CRMP1: variants seen among roughly 807,000 people sequenced by gnomAD.
The protein encoded by CRMP1 is collapsin response mediator protein 1, also known as dihydropyrimidinase-related protein 1.
In CRMP1, 19 loss-of-function variants were observed where a neutral mutation model predicts 68.3. The ratio of observed to expected loss-of-function variants is 0.28; its 90% CI spans 0.19 to 0.41. The LOEUF is 0.41. Among genes scored for constraint, CRMP1 ranks in the 10% least tolerant of loss-of-function variants. The pLI is 1.00. For missense variants in CRMP1, 791 were observed against 967.4 expected, an observed-to-expected ratio of 0.82 and a Z score of 2.42; for synonymous variants, 439 against 399.6, an observed-to-expected ratio of 1.10 and a Z score of -1.18.
chr4:5,861,097 T>A lies in CRMP1; in HGVS notation c.584A>T (p.Gln195Leu), dbSNP rs761326053. The change falls in exon 3 of 14, where the codon CAG becomes CTG. Residue 195 changes from glutamine (Q) to leucine (L), a missense_variant. Coordinates refer to ENST00000324989, the MANE Select transcript of CRMP1 (RefSeq NM_001014809.3). The surrounding 1 kb of genome is among the most constrained non-coding windows in gnomAD (Gnocchi z 6.0). ...GAAGTCATCAGCCGCAGTCATCCCCTGGGAGGGCTTCTGCAGGTACGTGTT... is the reference window on the plus strand; with the variant it reads ...GAAGTCATCAGCCGCAGTCATCCCCAGGGAGGGCTTCTGCAGGTACGTGTT... ...DVNTYLQKPS[Q>L]GMTAADDFFQ... 6.2e-7 allele frequency: 1 copy of A among 1,614,196 alleles called. No individual in the cohort carries two copies. The highest frequency in any genetic ancestry group is 2.2e-5 in the East Asian group (1 of 44,872).
At chr4:5,862,202 G>A (rs1298255466) in intron 2 of CRMP1, among the ~76,000 whole-genome samples, 7 of 152,124 alleles carry the variant, frequency 4.6e-5, no homozygotes, top group Non-Finnish European at 1.0e-4. Context: ...CACCACCACC[G>A]CTGCTTTTAA....
rs751468848 is a variant in CRMP1, at chr4:5,821,873, T to C, written c.1970-22A>G. On this transcript the variant is annotated intron_variant, in intron 13 of 13. Coordinates refer to ENST00000324989, the MANE Select transcript of CRMP1 (RefSeq NM_001014809.3). This position sits in a 1 kb window ranked among gnomAD's most constrained non-coding sequence, Gnocchi z 4.4. The stretch of plus-strand genomic sequence containing the variant: ...GCACCTGAAAGAGAGCGCCAATCGC[T>C]GCTGGATGGGATCTGTTAGCATCAG... 1.9e-6 allele frequency: 3 copies of C among 1,541,372 alleles called. No individual in the cohort carries two copies. The highest frequency in any genetic ancestry group is 3.6e-5 in the Admixed American group (2 of 55,374).
chr4:5,831,398 T>C (rs1176308281), intron 11 of CRMP1, among the ~76,000 whole-genome samples: 1 of 152,204 alleles, frequency 6.6e-6, no homozygotes, highest in African/African-American at 2.4e-5. Context: ...TCTTGGGGGT[T>C]CCAGGCAATC....
At position 5,866,861 on chromosome 4, in the gene CRMP1, A is replaced by T; in HGVS notation, c.382-105T>A. On this transcript the variant is annotated intron_variant, in intron 1 of 13. Coordinates refer to ENST00000324989, the MANE Select transcript of CRMP1 (RefSeq NM_001014809.3). The surrounding 1 kb of genome is among the most constrained non-coding windows in gnomAD (Gnocchi z 5.9). ...AATTATCAAATATTTTCAAAAGTAA[A>T]GGCATTTAACTTCCCCCGCCCCAGA... 1 of 799,762 alleles carries T rather than the reference A, an allele frequency of 1.3e-6. No individual in the cohort carries two copies. The highest frequency in any genetic ancestry group is 2.2e-5 in the South Asian group (1 of 46,074). The allele number at this position is 799,762 out of a possible 1,614,324, so 49.5% of individuals were successfully genotyped here. A position where few individuals can be genotyped will look rare whatever the true frequency, so the allele number is the denominator to read the frequency against.
rs140821865 is a variant in CRMP1, at chr4:5,889,389, G to T, written c.381+3200C>A. Among the ~76,000 whole-genome samples, 6 of 152,176 alleles carry T rather than the reference G, an allele frequency of 3.9e-5. No individual in the cohort carries two copies. The highest frequency in any genetic ancestry group is 1.2e-4 in the African/African-American group (5 of 41,450). On this transcript the variant is annotated intron_variant, in intron 1 of 13. Transcript: ENST00000324989. This position sits in a 1 kb window ranked among gnomAD's most constrained non-coding sequence, Gnocchi z 4.5. ...CCACAGCCCTGGGGACAAGCTGGGG[G>T]TCAGGAGGAGGACTAGGGTGCTCCT...
chr4:5,837,743 G>A (rs1007715678), intron 9 of CRMP1, among the ~76,000 whole-genome samples: 3 of 150,736 alleles, frequency 2.0e-5, no homozygotes, highest in African/African-American at 7.4e-5. Context: ...GCAAGGTGAG[G>A]AAGGTGAGGC....
At chr4:5,867,669 G>A (rs935426202) in intron 1 of CRMP1, among the ~76,000 whole-genome samples, 10 of 152,152 alleles carry the variant, frequency 6.6e-5, no homozygotes, top group African/African-American at 2.2e-4. Flanking sequence ...GTTGACAGAT[G>A]GAGAGACAGA....
intron 2 of CRMP1, among the ~76,000 whole-genome samples, chr4:5,863,991 C>T (rs934545343): frequency 6.6e-6 from 1 of 152,100 alleles, no homozygotes; most frequent in South Asian, 2.1e-4. Context: ...TTCTCAGCAA[C>T]GGGTTCAAGT....
intron 11 of CRMP1, among the ~76,000 whole-genome samples, chr4:5,831,322 T>C (rs766449482): frequency 1.2e-4 from 18 of 152,302 alleles, no homozygotes; most frequent in Non-Finnish European, 2.4e-4. Flanking sequence ...GATTCTTCCA[T>C]AGAAAAACTA....
intron 6 of CRMP1, among the ~76,000 whole-genome samples, chr4:5,844,658 C>T (rs1712047021): frequency 6.6e-6 from 1 of 152,240 alleles, no homozygotes; most frequent in African/African-American, 2.4e-5. Context: ...TGTGCTGGAG[C>T]TGGAACAGCT....
intron 11 of CRMP1, among the ~76,000 whole-genome samples, chr4:5,831,389 C>CTT (rs1390420495): frequency 1.3e-5 from 2 of 152,108 alleles, no homozygotes; most frequent in Non-Finnish European, 2.9e-5. Flanking sequence ...TAGGTGCATT[C>CTT]TTGGGGGTTC....
Position 5,842,804 on chromosome 4 carries a change from T to G in CRMP1, c.1032+289A>C, listed in dbSNP as rs747449974. Among the ~76,000 whole-genome samples the G allele has an allele frequency of 6.6e-6, 1 of 152,140 alleles. No individual in the cohort carries two copies. The highest frequency in any genetic ancestry group is 2.4e-5 in the African/African-American group (1 of 41,438). On this transcript the variant is annotated intron_variant, in intron 7 of 13. Transcript: ENST00000324989. This position sits in a 1 kb window ranked among gnomAD's most constrained non-coding sequence, Gnocchi z 4.5. ...TTGGGCATGCGGCTCCACTTTCCTA[T>G]TATCCACTATGCCATGTCCTCCATG... is the stretch of plus-strand genomic sequence containing the variant.
Position 5,836,003 on chromosome 4 carries a change from T to G in CRMP1, c.1535A>C (p.Lys512Thr). The change falls in exon 11 of 14, where the codon AAA (lysine) becomes ACA (threonine). Residue 512 changes from lysine (K) to threonine (T), a missense_variant. Lys to Thr is a moderately conservative substitution (Grantham distance 78). Around this residue, in one of 3 missense-constraint regions of CRMP1, gnomAD observed 594 missense variants for 763.6 expected, o/e 0.78. Coordinates refer to ENST00000324989, the MANE Select transcript of CRMP1 (RefSeq NM_001014809.3). ...AAKIFNLYPRKGRIAVGSDAD... is the reference protein window; with the variant it reads ...AAKIFNLYPRTGRIAVGSDAD... The stretch of plus-strand genomic sequence containing the variant: ...ATCCGAGCCCACGGCAATCCGCCCT[T>G]TCCTTGGGTACAGGTTAAAGATCTT... 1 of 1,607,528 alleles carries G rather than the reference T, an allele frequency of 6.2e-7. No individual in the cohort carries two copies. Among genetic ancestry groups the G allele is most frequent in the Non-Finnish European group, 8.5e-7 (1 of 1,176,898 alleles).
At chr4:5,827,563 C>T (rs1719831291) in intron 12 of CRMP1, among the ~76,000 whole-genome samples, 2 of 152,166 alleles carry the variant, frequency 1.3e-5, no homozygotes, top group Admixed American at 1.3e-4. Flanking sequence ...CAGGACCACA[C>T]AGGTACACAC....
At chr4:5,875,618 G>A (rs1291161283) in intron 1 of CRMP1, among the ~76,000 whole-genome samples, 1 of 152,134 alleles carries the variant, frequency 6.6e-6, no homozygotes, top group Non-Finnish European at 1.5e-5. Flanking sequence ...AAAATTGGGA[G>A]AGGAGAAGGG....
chr4:5,878,803 A>AT (rs576349229), intron 1 of CRMP1, among the ~76,000 whole-genome samples: 15 of 147,600 alleles, frequency 1.0e-4, no homozygotes, highest in African/African-American at 2.2e-4. Flanking sequence ...ACAGTGCCTT[A>AT]TTTTTTTTTT....
intron 12 of CRMP1, chr4:5,826,677 GTGTTCAGGGACC>G (rs1250477070): frequency 1.3e-5 from 2 of 152,342 alleles, no homozygotes; most frequent in Non-Finnish European, 2.9e-5. Flanking sequence ...AGAACAGCAT[GTGTTCAGGGACC>G]TGTACAGGGT....
Position 5,888,294 on chromosome 4 carries a change from C to A in CRMP1, c.381+4295G>T. On this transcript the variant is annotated intron_variant, in intron 1 of 13. Transcript: ENST00000324989. The surrounding 1 kb of genome is among the most constrained non-coding windows in gnomAD (Gnocchi z 6.4). ...CCCCCTCTGGCGCCCTCGGCCCGGC[C>A]GCTGACCTGCGGGGCTGTCTGACTG... 1 of 1,260,048 alleles carries A rather than the reference C, an allele frequency of 7.9e-7. No homozygotes were observed. Among genetic ancestry groups the A allele is most frequent in the Non-Finnish European group, 1.0e-6 (1 of 996,658 alleles). 78.1% of individuals were successfully genotyped at this position (1,260,048 alleles called of 1,614,324 possible). A position where few individuals can be genotyped will look rare whatever the true frequency, so the allele number is the denominator to read the frequency against.
At position 5,875,090 on chromosome 4, in the gene CRMP1, C is replaced by G. The variant is rs112780123; in HGVS notation, c.382-8334G>C. On this transcript the variant is annotated intron_variant, in intron 1 of 13. Transcript: ENST00000324989. ...GAGGAGACAGCTGACATTGGCAGGA[C>G]GCTTTTGTTCTTTTTCACAAACATT... 3.8e-3 allele frequency among the ~76,000 whole-genome samples: 585 copies of G among 152,316 alleles called. 3 individuals are homozygous for G. Among genetic ancestry groups the G allele is most frequent in the African/African-American group, 0.013 (551 of 41,572 alleles).
Sources: allele counts gnomAD v4.1 joint callset (sites outside exome capture counted in the v4.1 genomes callset), GRCh38; gene constraint gnomAD v4.1.1; regional missense constraint gnomAD v4.1.1; non-coding constraint Gnocchi (gnomAD v3.1); transcripts MANE v1.5; gene names NCBI Gene and HGNC (gene_info 2026-07-23, HGNC 2026-07-21).